The following COL4A3 variants were observed in gnomAD, a reference collection of about 807,000 sequenced individuals.
COL4A3 encodes the protein collagen alpha-3(IV) chain.
In COL4A3, 135 loss-of-function variants were observed where a neutral mutation model predicts 217.4. That is an observed-to-expected ratio of 0.62 (90% CI 0.54 to 0.72). COL4A3 has a LOEUF of 0.72. Ranked by LOEUF, COL4A3 falls within the 30% of genes least tolerant of loss-of-function variation. The pLI is 0.00. For missense variants in COL4A3, 1,868 were observed against 2,119.9 expected (o/e 0.88, Z 2.33); for synonymous variants, 690 against 736.3 (o/e 0.94, Z 1.02).
chr2:227,288,458 T>C (rs1024081201), intron 34 of COL4A3, among the ~76,000 whole-genome samples: 24 of 152,170 alleles, frequency 1.6e-4, no homozygotes, highest in African/African-American at 5.8e-4. Context: ...GAAAGTGGAA[T>C]GGTTTCCTGG....
At chr2:227,307,029 C>T (rs114985407) in intron 47 of COL4A3, among the ~76,000 whole-genome samples, 2,508 of 152,152 alleles carry the variant, frequency 0.016, 22 homozygotes, top group Non-Finnish European at 0.021. Flanking sequence ...ATCTAGAACA[C>T]GACAAGTGTG....
At chr2:227,277,347 G>T in intron 27 of COL4A3, 102 bp from the exon 28 acceptor site, 2 of 747,286 alleles carry the variant, frequency 2.7e-6, no homozygotes, top group Non-Finnish European at 2.3e-6. Context: ...AAAACAATGT[G>T]CAAAAGGGAT....
intron 2 of COL4A3, among the ~76,000 whole-genome samples, chr2:227,239,028 A>T (rs2068862850): frequency 6.6e-6 from 1 of 152,182 alleles, no homozygotes; most frequent in Admixed American, 6.5e-5. Flanking sequence ...ACAATGTAAA[A>T]TAGCTGACTT....
At chr2:227,259,625 C>T in intron 18 of COL4A3, 168 bp from the exon 19 acceptor site, 1 of 595,808 alleles carries the variant, frequency 1.7e-6, no homozygotes, top group Non-Finnish European at 3.0e-6. Context: ...TAAATTTTTC[C>T]ACCTACATTT....
Position 227,253,987 on chromosome 2 carries a change from A to T in COL4A3, c.766-125A>T. On this transcript the variant is annotated intron_variant, in intron 13 of 51. Coordinates refer to ENST00000396578, the MANE Select transcript of COL4A3 (RefSeq NM_000091.5). This position sits in a 1 kb window ranked among gnomAD's most constrained non-coding sequence, Gnocchi z 4.4. ...AATGGAAGGTGTATTGGGTTGTGTTAACACGAGGCACATTCATAGTTTGTA... is the reference window on the plus strand; with the variant it reads ...AATGGAAGGTGTATTGGGTTGTGTTTACACGAGGCACATTCATAGTTTGTA... The T allele has an allele frequency of 1.1e-6, 1 of 901,402 alleles. No individual in the cohort carries two copies. The highest frequency in any genetic ancestry group is 1.8e-6 in the Non-Finnish European group (1 of 543,048). The allele number at this position is 901,402 out of a possible 1,614,324, so 55.8% of individuals were successfully genotyped here. A position where few individuals can be genotyped will look rare whatever the true frequency, so the allele number is the denominator to read the frequency against.
chr2:227,168,230 G>A (rs113087173), intron 1 of COL4A3, among the ~76,000 whole-genome samples: 5,949 of 152,194 alleles, frequency 0.039, 150 homozygotes, highest in Non-Finnish European at 0.044. Flanking sequence ...TAAGTGGTTC[G>A]TAGAGAAAAC....
intron 26 of COL4A3, among the ~76,000 whole-genome samples, chr2:227,274,808 T>C (rs2071461808): frequency 6.6e-6 from 1 of 152,206 alleles, no homozygotes; most frequent in African/African-American, 2.4e-5. Context: ...CGAAGGAGGC[T>C]GCTGTTCTAA....
intron 37 of COL4A3, among the ~76,000 whole-genome samples, chr2:227,291,593 CA>C (rs869124557): frequency 0.2 from 9,360 of 47,814 alleles, 1,297 homozygotes; most frequent in African/African-American, 0.41. Flanking sequence ...AAAAAAAAAA[CA>C]AAAAAAAAAA....
At chr2:227,238,543 C>G (rs2068832658) in intron 2 of COL4A3, among the ~76,000 whole-genome samples, 1 of 152,128 alleles carries the variant, frequency 6.6e-6, no homozygotes, top group Non-Finnish European at 1.5e-5. Context: ...AAAAGGAATG[C>G]CGTGAAATCT....
At chr2:227,285,476 C>T (rs1050561927) in intron 34 of COL4A3, among the ~76,000 whole-genome samples, 11 of 151,252 alleles carry the variant, frequency 7.3e-5, no homozygotes, top group East Asian at 1.9e-4. Context: ...GAAAGTAATG[C>T]GACTTTTATA....
chr2:227,258,407 C>T (rs2070332366), intron 18 of COL4A3, among the ~76,000 whole-genome samples: 1 of 152,206 alleles, frequency 6.6e-6, no homozygotes, highest in South Asian at 2.1e-4. Context: ...TGCATCTTTA[C>T]ACTGGATGCA....
rs774226506 is a variant in COL4A3, at chr2:227,253,604, T to C, written c.731T>C (p.Val244Ala). The change falls in exon 13 of 52, where the codon GTT becomes GCT. Residue 244 changes from valine (V) to alanine (A), a missense_variant. Physicochemically the swap from Val to Ala is moderately conservative, Grantham distance 64 (BLOSUM62 0). Transcript: ENST00000396578. This position sits in a 1 kb window ranked among gnomAD's most constrained non-coding sequence, Gnocchi z 4.4. ...GGACCCCCGGGACCACCAGGAACAG[T>C]TATTGTGACCCTAACTGGCCCAGAT... Reference protein sequence around the residue: ...LTGPPGPPGTVIVTLTGPDNR... With the variant: ...LTGPPGPPGTAIVTLTGPDNR... The C allele has an allele frequency of 1.2e-6, 2 of 1,614,014 alleles. No homozygotes were observed. The highest frequency in any genetic ancestry group is 3.3e-5 in the Admixed American group (2 of 60,000).
chr2:227,308,585 C>G (rs558410262), intron 48 of COL4A3, among the ~76,000 whole-genome samples: 1 of 152,212 alleles, frequency 6.6e-6, no homozygotes, highest in Non-Finnish European at 1.5e-5. Flanking sequence ...CTATTATGTA[C>G]ATATGAATAA....
intron 1 of COL4A3, among the ~76,000 whole-genome samples, chr2:227,179,299 A>C (rs978372049): frequency 6.6e-6 from 1 of 152,210 alleles, no homozygotes; most frequent in African/African-American, 2.4e-5. Context: ...AATGAGTGTC[A>C]GATGCCACTG....
chr2:227,251,117 C>A, intron 9 of COL4A3, 23 bp from the exon 10 acceptor site: 1 of 1,579,546 alleles, frequency 6.3e-7, no homozygotes, highest in Non-Finnish European at 8.7e-7. Flanking sequence ...TAAACTTACT[C>A]TTATTCTTCT....
intron 30 of COL4A3, 143 bp from the exon 31 acceptor site, chr2:227,280,750 T>C: frequency 9.4e-7 from 1 of 1,065,758 alleles, no homozygotes; most frequent in South Asian, 1.3e-5. Flanking sequence ...TTTTAATGAG[T>C]GCCCTCTAGA....
At chr2:227,217,636 C>G (rs1017351196) in intron 1 of COL4A3, among the ~76,000 whole-genome samples, 1 of 152,136 alleles carries the variant, frequency 6.6e-6, no homozygotes, top group Non-Finnish European at 1.5e-5. Flanking sequence ...CTCCCTTTCT[C>G]CAGGGAAGCC....
chr2:227,181,988 G>A (rs1456594780), intron 1 of COL4A3, among the ~76,000 whole-genome samples: 1 of 152,036 alleles, frequency 6.6e-6, no homozygotes, highest in African/African-American at 2.4e-5. Flanking sequence ...ACATTTTGAT[G>A]TATATCTATC....
At chr2:227,224,522 G>A (rs998130542) in intron 1 of COL4A3, among the ~76,000 whole-genome samples, 4 of 152,178 alleles carry the variant, frequency 2.6e-5, no homozygotes, top group Non-Finnish European at 5.9e-5. Flanking sequence ...AGGCCAAGGC[G>A]GGTGGATCAC....
Sources: gnomAD v4.1 joint callset for allele counts (sites outside exome capture counted in the v4.1 genomes callset) on GRCh38, gnomAD v4.1.1 for gene constraint, Gnocchi (gnomAD v3.1) non-coding constraint, MANE v1.5 for transcripts, NCBI Gene and HGNC (gene_info 2026-07-23, HGNC 2026-07-21) for gene names.